Variants in MAP3K20 observed in about 807,000 individuals in gnomAD.
MAP3K20 encodes HCCS-4.
In MAP3K20, 40 loss-of-function variants were observed where a neutral mutation model predicts 85.7. The observed-to-expected ratio is 0.47, with a 90% CI of 0.36 to 0.61. MAP3K20 has a LOEUF of 0.61. MAP3K20 is among the 20% of genes least tolerant of loss of function. The pLI is 0.00. For synonymous variants in MAP3K20, 325 were observed against 327.7 expected (o/e 0.99, Z 0.09); for missense variants, 817 against 961.7 (o/e 0.85, Z 1.99).
chr2:173,109,839 A>G (rs1186236351), intron 2 of MAP3K20, among the ~76,000 whole-genome samples: 1 of 152,146 alleles, frequency 6.6e-6, no homozygotes, highest in African/African-American at 2.4e-5. Flanking sequence ...ACATAGCTGA[A>G]TTGTCTACAA....
At chr2:173,194,766 T>G (rs369790976) in intron 7 of MAP3K20, among the ~76,000 whole-genome samples, 9 of 74,782 alleles carry the variant, frequency 1.2e-4, no homozygotes, top group East Asian at 3.2e-4. Flanking sequence ...AAAAAAAAGG[T>G]TTTTTTTTTA....
At chr2:173,207,330 A>G (rs1164192728) in intron 9 of MAP3K20, among the ~76,000 whole-genome samples, 2 of 152,122 alleles carry the variant, frequency 1.3e-5, no homozygotes, top group Non-Finnish European at 2.9e-5. Flanking sequence ...CGTCTCTACT[A>G]AAATACAAAA....
intron 16 of MAP3K20, among the ~76,000 whole-genome samples, chr2:173,255,643 G>C (rs1291045598): frequency 2.6e-5 from 4 of 151,882 alleles, no homozygotes; most frequent in African/African-American, 9.7e-5. Context: ...TGCAGAGGAG[G>C]GTCTGATTTC....
chr2:173,106,662 A>G (rs1487720646), intron 2 of MAP3K20, among the ~76,000 whole-genome samples: 4 of 152,214 alleles, frequency 2.6e-5, no homozygotes, highest in African/African-American at 9.7e-5. Context: ...AAGTAGAACC[A>G]TGATGCTGAG....
intron 3 of MAP3K20, among the ~76,000 whole-genome samples, chr2:173,174,431 C>T (rs1179965972): frequency 3.3e-5 from 5 of 152,156 alleles, no homozygotes; most frequent in Non-Finnish European, 7.3e-5. Context: ...TTGTTCAACT[C>T]GCACTTATGA....
intron 8 of MAP3K20, among the ~76,000 whole-genome samples, chr2:173,200,386 C>T (rs1691009388): frequency 6.6e-6 from 1 of 152,050 alleles, no homozygotes; most frequent in African/African-American, 2.4e-5. Flanking sequence ...TTACAAAATC[C>T]CTTCAACTTC....
chr2:173,191,271 A>G, intron 7 of MAP3K20, 94 bp downstream of exon 7: 2 of 1,522,288 alleles, frequency 1.3e-6, no homozygotes, highest in Non-Finnish European at 1.8e-6. Context: ...TTTTATTTTT[A>G]TTTGAGACTG....
At chr2:173,221,048 T>C in intron 11 of MAP3K20, 1 of 908,556 alleles carries the variant, frequency 1.1e-6, no homozygotes, top group Non-Finnish European at 1.5e-6. Flanking sequence ...ACTAATCATT[T>C]ACCTCCTGTG....
chr2:173,211,525 G>A (rs1008913303), intron 10 of MAP3K20: 3 of 152,150 alleles, frequency 2.0e-5, no homozygotes, highest in Non-Finnish European at 4.4e-5. Flanking sequence ...TGAATAACAC[G>A]TCTGCAGGGA....
At chr2:173,207,532 G>GA (rs1683729037) in intron 9 of MAP3K20, 1 of 152,180 alleles carries the variant, frequency 6.6e-6, no homozygotes. Context: ...AGTTCAATAG[G>GA]AAGTAGTATC....
intron 7 of MAP3K20, among the ~76,000 whole-genome samples, chr2:173,196,964 T>C (rs1690864800): frequency 6.6e-6 from 1 of 152,142 alleles, no homozygotes; most frequent in Non-Finnish European, 1.5e-5. Flanking sequence ...AGTTTTTTTT[T>C]TTTAACTTTT....
At chr2:173,238,304 T>C in intron 14 of MAP3K20, 69 bp from the exon 15 acceptor site, 2 of 1,354,324 alleles carry the variant, frequency 1.5e-6, no homozygotes, top group Non-Finnish European at 2.1e-6. Flanking sequence ...TTTTTGTTTG[T>C]ACCCAATGAT....
intron 14 of MAP3K20, among the ~76,000 whole-genome samples, chr2:173,233,971 C>T (rs571537462): frequency 1.3e-5 from 2 of 152,294 alleles, no homozygotes; most frequent in African/African-American, 4.8e-5. Context: ...CAAAGGCTGG[C>T]AAAGAATGTA....
chr2:173,128,943 G>A (rs1454884347), intron 2 of MAP3K20, among the ~76,000 whole-genome samples: 1 of 63,980 alleles, frequency 1.6e-5, no homozygotes, highest in Non-Finnish European at 3.2e-5. Context: ...TTTTTTTTGA[G>A]GCAGAGTTTT....
intron 2 of MAP3K20, among the ~76,000 whole-genome samples, chr2:173,128,921 C>CTT (rs386391866): frequency 0.29 from 33,820 of 116,046 alleles, 6,283 homozygotes; most frequent in Non-Finnish European, 0.37. Flanking sequence ...GAAATCTTTT[C>CTT]TTTTTTTTTT....
chr2:173,132,862 A>C (rs1688657285), intron 2 of MAP3K20, among the ~76,000 whole-genome samples: 1 of 152,238 alleles, frequency 6.6e-6, no homozygotes, highest in East Asian at 1.9e-4. Context: ...AACACACAAG[A>C]AGTGTTTAGC....
intron 3 of MAP3K20, among the ~76,000 whole-genome samples, chr2:173,181,224 A>T (rs1574084291): frequency 6.6e-6 from 1 of 152,188 alleles, no homozygotes; most frequent in Non-Finnish European, 1.5e-5. Flanking sequence ...AATCAAAAAA[A>T]CAGACAATAC....
chr2:173,105,826 A>G (rs1237734284), intron 2 of MAP3K20, among the ~76,000 whole-genome samples: 1 of 152,198 alleles, frequency 6.6e-6, no homozygotes, highest in Non-Finnish European at 1.5e-5. Context: ...AATTCTGGTA[A>G]TGAATAATGA....
intron 16 of MAP3K20, among the ~76,000 whole-genome samples, chr2:173,246,683 G>A (rs924642741): frequency 1.3e-5 from 2 of 152,096 alleles, no homozygotes; most frequent in African/African-American, 4.8e-5. Context: ...ATGCTCAACC[G>A]CCACAGACTT....
Sources: allele counts gnomAD v4.1 joint callset (sites outside exome capture counted in the v4.1 genomes callset), GRCh38; gene constraint gnomAD v4.1.1; transcripts MANE v1.5; gene names NCBI Gene and HGNC (gene_info 2026-07-23, HGNC 2026-07-21).